The following DPP10 variants were observed in gnomAD, a reference collection of about 807,000 sequenced individuals.
DPP10 encodes the protein inactive dipeptidyl peptidase 10.
Under a neutral mutation model 120.9 loss-of-function variants are expected in DPP10, and 33 were observed. The observed-to-expected ratio is 0.27, with a 90% confidence interval of 0.21 to 0.37. The LOEUF (loss-of-function observed/expected upper bound fraction) is 0.37, where lower values mean the gene tolerates loss of function less well. Ranked by LOEUF, DPP10 falls within the 10% of genes least tolerant of loss-of-function variation. DPP10 has a pLI of 1.00. For missense variants in DPP10, 816 were observed against 942.8 expected (o/e 0.87, Z 1.76); for synonymous variants, 337 against 326.1 (o/e 1.03, Z -0.36).
intron 3 of DPP10, among the ~76,000 whole-genome samples, chr2:115,371,399 GT>G (rs1196095194): frequency 6.6e-6 from 1 of 152,094 alleles, no homozygotes; most frequent in Non-Finnish European, 1.5e-5. Context: ...AACAACAAAT[GT>G]AGGCTTTTCA....
intron 1 of DPP10, among the ~76,000 whole-genome samples, chr2:114,877,661 T>G (rs1184072745): frequency 1.3e-5 from 2 of 152,020 alleles, no homozygotes; most frequent in African/African-American, 4.8e-5. Flanking sequence ...CACTTACAAA[T>G]CATAAGTTCC....
At chr2:115,232,162 G>T (rs765681585) in intron 1 of DPP10, among the ~76,000 whole-genome samples, 1 of 152,038 alleles carries the variant, frequency 6.6e-6, no homozygotes, top group Non-Finnish European at 1.5e-5. Flanking sequence ...CTTGGCATCG[G>T]AAGGCTCCCC....
At chr2:115,041,877 A>G (rs1353089921) in intron 1 of DPP10, among the ~76,000 whole-genome samples, 2 of 152,176 alleles carry the variant, frequency 1.3e-5, no homozygotes, top group Non-Finnish European at 1.5e-5. Flanking sequence ...TTGTAACACA[A>G]CAAAAATGCC....
intron 1 of DPP10, among the ~76,000 whole-genome samples, chr2:114,592,244 A>C (rs1285231003): frequency 6.6e-6 from 1 of 152,136 alleles, no homozygotes; most frequent in Admixed American, 6.5e-5. Flanking sequence ...TTTCTGGGAA[A>C]CTTTCTAGAT....
At chr2:114,544,486 G>A (rs1687210450) in intron 1 of DPP10, among the ~76,000 whole-genome samples, 1 of 152,162 alleles carries the variant, frequency 6.6e-6, no homozygotes. Flanking sequence ...AAAACACTTG[G>A]CTAAGGATGC....
chr2:115,692,846 T>A (rs2091390951), intron 7 of DPP10, among the ~76,000 whole-genome samples: 1 of 152,166 alleles, frequency 6.6e-6, no homozygotes, highest in South Asian at 2.1e-4. Context: ...TGTATATTTC[T>A]TAAGCTTATT....
In DPP10 at chr2:115,213,327, T is replaced by C. The variant is rs191664175; in HGVS notation, c.61-95912T>C. ...AAAACTGGGATTGTAAATGCAAATG[T>C]ATTAGAGAACCATTTTGCAAATCTC... On this transcript the variant is annotated intron_variant, in intron 1 of 25. Coordinates refer to ENST00000410059, the MANE Select transcript of DPP10 (RefSeq NM_020868.6). Among the ~76,000 whole-genome samples, 20 of 152,296 alleles carry C rather than the reference T, an allele frequency of 1.3e-4. No individual in the cohort carries two copies. In the East Asian group the frequency reaches 3.7e-3, roughly 28 times the overall value.
intron 1 of DPP10, among the ~76,000 whole-genome samples, chr2:114,769,662 G>A (rs1463222618): frequency 6.6e-6 from 1 of 152,132 alleles, no homozygotes; most frequent in Non-Finnish European, 1.5e-5. Context: ...CATTACTAGA[G>A]TATGATTCAC....
intron 1 of DPP10, among the ~76,000 whole-genome samples, chr2:114,547,271 G>A (rs1357352445): frequency 1.3e-5 from 2 of 152,152 alleles, no homozygotes; most frequent in African/African-American, 4.8e-5. Context: ...ACCCCTCCAG[G>A]GAACCACTTT....
intron 1 of DPP10, among the ~76,000 whole-genome samples, chr2:115,163,517 A>G (rs1559168231): frequency 6.6e-6 from 1 of 152,228 alleles, no homozygotes; most frequent in South Asian, 2.1e-4. Flanking sequence ...TGAAAATATT[A>G]AAACATCATA....
At chr2:115,617,929 C>G (rs2084649917) in intron 5 of DPP10, among the ~76,000 whole-genome samples, 1 of 152,112 alleles carries the variant, frequency 6.6e-6, no homozygotes, top group African/African-American at 2.4e-5. Flanking sequence ...AAAGCCATGT[C>G]ATTGTGGTCT....
In DPP10 at chr2:115,463,278, G is replaced by T. The variant is rs560209876; in HGVS notation, c.272-36232G>T. 1.3e-3 allele frequency among the ~76,000 whole-genome samples: 194 copies of T among 152,208 alleles called. 2 individuals are homozygous for T. Among genetic ancestry groups the T allele is most frequent in the African/African-American group, 4.6e-3 (191 of 41,540 alleles). ...CTCTGAGATTCCTATACCACACCTG[G>T]CATCTGACACATGGTAAACACCAAA... is the stretch of plus-strand genomic sequence containing the variant. On this transcript the variant is annotated intron_variant, in intron 3 of 25. Transcript: ENST00000410059.
At chr2:114,478,599 A>AAGGG (rs1680725046) in intron 1 of DPP10, among the ~76,000 whole-genome samples, 1 of 152,084 alleles carries the variant, frequency 6.6e-6, no homozygotes, top group Non-Finnish European at 1.5e-5. Flanking sequence ...GGAAGGAAGG[A>AAGGG]ATGAAGGATG....
Position 115,626,195 on chromosome 2 carries a change from G to A in DPP10, c.442-63492G>A, listed in dbSNP as rs530981044. 4.6e-5 allele frequency among the ~76,000 whole-genome samples: 7 copies of A among 151,848 alleles called. No individual in the cohort carries two copies. In the East Asian group the frequency reaches 9.7e-4, roughly 21 times the overall value. On this transcript the variant is annotated intron_variant, in intron 5 of 25. Transcript: ENST00000410059. Reference sequence around the variant, plus strand: ...ATAGTAAACTCTTTATGTAGTTGACGTTTTAATTATAAAAATATCCTATAT... The same window carrying A: ...ATAGTAAACTCTTTATGTAGTTGACATTTTAATTATAAAAATATCCTATAT...
At chr2:114,561,282 T>G (rs1688743313) in intron 1 of DPP10, among the ~76,000 whole-genome samples, 1 of 152,194 alleles carries the variant, frequency 6.6e-6, no homozygotes, top group African/African-American at 2.4e-5. Flanking sequence ...AAAGACAGGG[T>G]TTTTCTTTGT....
At chr2:115,045,981 G>A (rs1398876971) in intron 1 of DPP10, among the ~76,000 whole-genome samples, 3 of 146,200 alleles carry the variant, frequency 2.1e-5, no homozygotes, top group Non-Finnish European at 3.0e-5. Context: ...GAGCCATTTT[G>A]TGTGTGCTGA....
At chr2:114,448,669 A>G (rs186235107) in intron 1 of DPP10, among the ~76,000 whole-genome samples, 2 of 152,188 alleles carry the variant, frequency 1.3e-5, no homozygotes, top group South Asian at 4.1e-4. Flanking sequence ...AAAATAAGAC[A>G]CATCTGTGCT....
At chr2:114,925,449 G>A (rs2104460400) in intron 1 of DPP10, among the ~76,000 whole-genome samples, 1 of 152,240 alleles carries the variant, frequency 6.6e-6, no homozygotes, top group East Asian at 1.9e-4. Flanking sequence ...CGAGATGACT[G>A]ACATTTTTTG....
intron 1 of DPP10, among the ~76,000 whole-genome samples, chr2:115,251,806 A>G (rs1309244042): frequency 4.6e-5 from 7 of 152,182 alleles, no homozygotes; most frequent in Admixed American, 2.0e-4. Flanking sequence ...AGTGGTTACA[A>G]TGTGATAGAA....
Sources: allele counts gnomAD v4.1 joint callset (sites outside exome capture counted in the v4.1 genomes callset), GRCh38; gene constraint gnomAD v4.1.1; transcripts MANE v1.5; gene names NCBI Gene and HGNC (gene_info 2026-07-23, HGNC 2026-07-21).